DPP10: variants seen among roughly 807,000 people sequenced by gnomAD.
DPP10 encodes the protein inactive dipeptidyl peptidase 10.
A neutral mutation model predicts 120.9 loss-of-function variants in DPP10; 33 were observed. The ratio of observed to expected loss-of-function variants is 0.27; its 90% CI spans 0.21 to 0.37. DPP10 has a LOEUF of 0.37. Ranked by LOEUF, DPP10 falls within the 10% of genes least tolerant of loss-of-function variation. The pLI, the probability that DPP10 is intolerant of heterozygous loss-of-function variation, is 1.00. For missense variants in DPP10, 816 were observed against 942.8 expected, an observed-to-expected ratio of 0.87 and a Z score of 1.76; for synonymous variants, 337 against 326.1, an observed-to-expected ratio of 1.03 and a Z score of -0.36.
intron 5 of DPP10, among the ~76,000 whole-genome samples, chr2:115,633,587 G>T (rs369317606): frequency 6.6e-6 from 1 of 151,734 alleles, no homozygotes; most frequent in Non-Finnish European, 1.5e-5. Flanking sequence ...TAAAAAAAAA[G>T]AAAAGAATGT....
intron 1 of DPP10, among the ~76,000 whole-genome samples, chr2:115,048,370 G>A (rs137984591): frequency 8.6e-5 from 13 of 152,000 alleles, no homozygotes; most frequent in Admixed American, 6.6e-4. Flanking sequence ...TGACACTATC[G>A]TAGGTCAAGC....
At chr2:115,436,400 A>ATT (rs35110815) in intron 3 of DPP10, among the ~76,000 whole-genome samples, 38 of 150,098 alleles carry the variant, frequency 2.5e-4, no homozygotes, top group East Asian at 2.4e-3. Context: ...TTGCAAAAAG[A>ATT]TTTTTTTTTT....
rs560363404 is a variant in DPP10 at position 115,240,731 on chromosome 2, A to G, written c.61-68508A>G. ...GGGGTGATATGGAGTCGAACCCACA[A>G]TGTCTTCAAAGTATGCCCATACTAA... On this transcript the variant is annotated intron_variant, in intron 1 of 25. Coordinates refer to ENST00000410059, the MANE Select transcript of DPP10 (RefSeq NM_020868.6). Among the ~76,000 whole-genome samples, 22 of 152,296 alleles carry G rather than the reference A, an allele frequency of 1.4e-4. No homozygotes were observed. In the East Asian group the frequency reaches 3.9e-3, roughly 27 times the overall value.
chr2:114,973,693 A>G (rs958454760), intron 1 of DPP10, among the ~76,000 whole-genome samples: 3 of 146,184 alleles, frequency 2.1e-5, no homozygotes, highest in African/African-American at 5.0e-5. Flanking sequence ...AGTTAACTGT[A>G]AAACAGCCTC....
intron 5 of DPP10, among the ~76,000 whole-genome samples, chr2:115,651,491 AATTTTC>A (rs2087767175): frequency 6.6e-6 from 1 of 152,106 alleles, no homozygotes; most frequent in Admixed American, 6.6e-5. Context: ...GAAGGAAAGC[AATTTTC>A]ATTTTCAAGT....
chr2:114,700,829 T>G (rs1325714771), intron 1 of DPP10, among the ~76,000 whole-genome samples: 1 of 152,100 alleles, frequency 6.6e-6, no homozygotes, highest in Non-Finnish European at 1.5e-5. Context: ...TGTTTGCCTG[T>G]CCTACTCCCT....
chr2:114,687,396 T>C (rs1699443632), intron 1 of DPP10, among the ~76,000 whole-genome samples: 1 of 152,016 alleles, frequency 6.6e-6, no homozygotes, highest in Non-Finnish European at 1.5e-5. Context: ...TGGATTTACT[T>C]GGGAATTCAA....
intron 3 of DPP10, among the ~76,000 whole-genome samples, chr2:115,383,621 A>C (rs2066608010): frequency 6.6e-6 from 1 of 152,082 alleles, no homozygotes; most frequent in Admixed American, 6.5e-5. Flanking sequence ...CCTAATTTTT[A>C]CTCACCAATT....
At chr2:115,030,602 T>G (rs147620004) in intron 1 of DPP10, among the ~76,000 whole-genome samples, 1 of 152,272 alleles carries the variant, frequency 6.6e-6, no homozygotes, top group Non-Finnish European at 1.5e-5. Flanking sequence ...AGCCCAGGAT[T>G]CATTAGCTAT....
At chr2:115,067,880 AG>A (rs1420627369) in intron 1 of DPP10, among the ~76,000 whole-genome samples, 14 of 147,406 alleles carry the variant, frequency 9.5e-5, no homozygotes, top group Non-Finnish European at 1.9e-4. Flanking sequence ...AAAAAAAAAA[AG>A]AAAAAAAAGA....
intron 3 of DPP10, among the ~76,000 whole-genome samples, chr2:115,481,261 T>C (rs2075409539): frequency 6.6e-6 from 1 of 152,078 alleles, no homozygotes; most frequent in Non-Finnish European, 1.5e-5. Context: ...AGAACAGTAT[T>C]AGGGAAGATC....
At chr2:115,756,832 G>C (rs2053723) in intron 11 of DPP10, among the ~76,000 whole-genome samples, 85,755 of 151,802 alleles carry the variant, frequency 0.56, 25,606 homozygotes, top group East Asian at 0.72. Flanking sequence ...GGCATCTGGT[G>C]AGGGACTTCT....
chr2:114,608,072 G>A (rs1692960285), intron 1 of DPP10, among the ~76,000 whole-genome samples: 1 of 152,160 alleles, frequency 6.6e-6, no homozygotes, highest in Non-Finnish European at 1.5e-5. Context: ...TCTTCCTAAA[G>A]CCCTGGTCAT....
intron 1 of DPP10, among the ~76,000 whole-genome samples, chr2:115,070,322 T>C (rs1707264538): frequency 6.6e-6 from 1 of 152,030 alleles, no homozygotes; most frequent in African/African-American, 2.4e-5. Context: ...CATTATTGTA[T>C]TGTAATTTTT....
chr2:115,270,872 A>G (rs1012234635), intron 1 of DPP10, among the ~76,000 whole-genome samples: 5 of 149,236 alleles, frequency 3.4e-5, no homozygotes, highest in South Asian at 2.1e-4. Context: ...TTTGAAATCT[A>G]TTTGTTCTTT....
At chr2:115,321,079 C>A (rs1033261176) in intron 2 of DPP10, among the ~76,000 whole-genome samples, 10 of 152,102 alleles carry the variant, frequency 6.6e-5, no homozygotes, top group African/African-American at 2.4e-4. Flanking sequence ...GTGGGAGGAT[C>A]ACCTGAGGCC....
intron 20 of DPP10, 28 bp downstream of exon 20, chr2:115,815,015 G>GT: frequency 3.8e-6 from 6 of 1,559,938 alleles, no homozygotes; most frequent in Non-Finnish European, 5.3e-6. Flanking sequence ...TTTCTTCTCT[G>GT]TTTTCTATAA....
intron 1 of DPP10, among the ~76,000 whole-genome samples, chr2:115,257,991 T>C (rs1423617297): frequency 1.3e-5 from 2 of 152,314 alleles, no homozygotes; most frequent in East Asian, 3.9e-4. Context: ...AAAATATATG[T>C]ACCGTTATTT....
intron 1 of DPP10, among the ~76,000 whole-genome samples, chr2:114,962,445 A>T (rs1258080126): frequency 6.6e-6 from 1 of 152,152 alleles, no homozygotes; most frequent in East Asian, 1.9e-4. Context: ...TGTACATGTG[A>T]TATCTTTAGT....
Sources: allele counts gnomAD v4.1 joint callset (sites outside exome capture counted in the v4.1 genomes callset), GRCh38; gene constraint gnomAD v4.1.1; transcripts MANE v1.5; gene names NCBI Gene and HGNC (gene_info 2026-07-23, HGNC 2026-07-21).